The following MSR1 variants were observed in gnomAD, a reference collection of about 807,000 sequenced individuals.
MSR1 encodes macrophage scavenger receptor types I and II.
MSR1 carries 53 observed loss-of-function variants against 47.2 expected under a neutral mutation model. The ratio of observed to expected loss-of-function variants is 1.12; its 90% CI spans 0.90 to 1.41. MSR1 has a LOEUF of 1.41. Ranked by LOEUF, MSR1 falls within the 40% of genes most tolerant of loss-of-function variation. The pLI, the probability that MSR1 is intolerant of heterozygous loss-of-function variation, is 0.00. For synonymous variants in MSR1, 239 were observed against 185.6 expected (o/e 1.29, Z -2.34); for missense variants, 786 against 546.9 (o/e 1.44, Z -4.36).
At chr8:16,190,054 T>C (rs1016547529) in intron 1 of MSR1, among the ~76,000 whole-genome samples, 3 of 151,542 alleles carry the variant, frequency 2.0e-5, no homozygotes, top group Non-Finnish European at 2.9e-5. Flanking sequence ...AGCGGGATTA[T>C]AGGCGTTTGC....
At chr8:16,114,737 CT>C (rs1261206311) in intron 9 of MSR1, among the ~76,000 whole-genome samples, 1 of 152,142 alleles carries the variant, frequency 6.6e-6, no homozygotes, top group Non-Finnish European at 1.5e-5. Context: ...GTCATTTTAC[CT>C]GCAGCTGCAA....
At chr8:16,173,656 T>C (rs1317323910) in intron 3 of MSR1, among the ~76,000 whole-genome samples, 1 of 149,470 alleles carries the variant, frequency 6.7e-6, no homozygotes, top group Non-Finnish European at 1.5e-5. Context: ...TTGTTTTTTC[T>C]TTTTTTTTTG....
At chr8:16,153,262 G>A (rs989759686) in intron 6 of MSR1, among the ~76,000 whole-genome samples, 3 of 151,886 alleles carry the variant, frequency 2.0e-5, no homozygotes, top group Non-Finnish European at 4.4e-5. Flanking sequence ...TCCTGATTTC[G>A]GCATCAAATA....
intron 9 of MSR1, among the ~76,000 whole-genome samples, chr8:16,112,942 AGTTTTTTTT>A (rs1799792258): frequency 8.5e-6 from 1 of 117,756 alleles, no homozygotes; most frequent in Admixed American, 9.8e-5. Flanking sequence ...ATTTTTTTTA[AGTTTTTTTT>A]TTTTTTTTTT....
chr8:16,177,522 T>C (rs1378841001), intron 2 of MSR1, among the ~76,000 whole-genome samples: 2 of 151,908 alleles, frequency 1.3e-5, no homozygotes, highest in Non-Finnish European at 2.9e-5. Context: ...TGTGAGCGAA[T>C]ACATTTCTGT....
chr8:16,111,670 G>A (rs1464040842), intron 9 of MSR1, among the ~76,000 whole-genome samples: 1 of 151,434 alleles, frequency 6.6e-6, no homozygotes, highest in African/African-American at 2.4e-5. Flanking sequence ...GAATACCAAG[G>A]TTGTGGTCCT....
intron 7 of MSR1, among the ~76,000 whole-genome samples, chr8:16,146,071 G>C (rs1800688913): frequency 6.6e-6 from 1 of 152,014 alleles, no homozygotes; most frequent in African/African-American, 2.4e-5. Flanking sequence ...TTTTTTGTGA[G>C]CCTCTTATAT....
At chr8:16,146,149 G>C (rs1308353166) in intron 7 of MSR1, among the ~76,000 whole-genome samples, 1 of 152,024 alleles carries the variant, frequency 6.6e-6, no homozygotes, top group African/African-American at 2.4e-5. Flanking sequence ...TTCTGCAGCT[G>C]TAGGCCGCCT....
intron 1 of MSR1, among the ~76,000 whole-genome samples, chr8:16,185,042 T>C (rs1479593885): frequency 6.6e-6 from 1 of 152,000 alleles, no homozygotes; most frequent in Non-Finnish European, 1.5e-5. Context: ...GAATGAACAA[T>C]ATTCCCTATG....
chr8:16,166,332 T>A (rs1217953312), intron 4 of MSR1, among the ~76,000 whole-genome samples: 1 of 151,214 alleles, frequency 6.6e-6, no homozygotes, highest in Non-Finnish European at 1.5e-5. Flanking sequence ...TAATTTTTTT[T>A]TTTTTAATTT....
intron 1 of MSR1, among the ~76,000 whole-genome samples, chr8:16,183,632 TATAATATAATA>T (rs1433738727): frequency 2.9e-5 from 4 of 139,308 alleles, no homozygotes; most frequent in African/African-American, 1.1e-4. Context: ...ATATATAATA[TATAATATAATA>T]AATATATTAT....
intron 8 of MSR1, among the ~76,000 whole-genome samples, chr8:16,126,393 G>T (rs1353469807): frequency 6.6e-6 from 1 of 151,864 alleles, no homozygotes; most frequent in Non-Finnish European, 1.5e-5. Flanking sequence ...ATCATTTATT[G>T]GAATTAGGAT....
intron 6 of MSR1, among the ~76,000 whole-genome samples, chr8:16,150,871 C>CACACACACACACAA (rs1800838380): frequency 6.6e-6 from 1 of 151,462 alleles, no homozygotes; most frequent in African/African-American, 2.4e-5. Flanking sequence ...CACACACACA[C>CACACACACACACAA]ACACACACAC....
chr8:16,144,267 T>G (rs576052011), intron 7 of MSR1, among the ~76,000 whole-genome samples: 8 of 152,228 alleles, frequency 5.3e-5, no homozygotes, highest in African/African-American at 1.9e-4. Context: ...CTTCACCCAC[T>G]GTCCCATTTT....
chr8:16,119,360 G>C (rs1800583757), intron 9 of MSR1, among the ~76,000 whole-genome samples: 2 of 151,894 alleles, frequency 1.3e-5, no homozygotes, highest in South Asian at 2.1e-4. Flanking sequence ...AAAGTAGCTG[G>C]GATTACCGGC....
intron 6 of MSR1, among the ~76,000 whole-genome samples, chr8:16,153,197 C>A (rs1800908257): frequency 1.3e-5 from 2 of 152,072 alleles, no homozygotes; most frequent in South Asian, 4.2e-4. Context: ...AAGCAATAAA[C>A]CTGCTCAGAT....
intron 9 of MSR1, among the ~76,000 whole-genome samples, chr8:16,117,729 A>G (rs1409693575): frequency 6.6e-6 from 1 of 152,148 alleles, no homozygotes; most frequent in Non-Finnish European, 1.5e-5. Flanking sequence ...TAGACTGTAC[A>G]TAAGCAACAC....
intron 8 of MSR1, among the ~76,000 whole-genome samples, chr8:16,121,472 TTAAA>T (rs1800004502): frequency 6.6e-6 from 1 of 151,978 alleles, no homozygotes; most frequent in Non-Finnish European, 1.5e-5. Flanking sequence ...TAGTGACAGA[TTAAA>T]TAAAATAGTG....
At chr8:16,139,757 AAAAAAAAAAAAAAAAAAATATAT>A (rs1250074174) in intron 8 of MSR1, 4 of 153,018 alleles carry the variant, frequency 2.6e-5, no homozygotes, top group Admixed American at 1.1e-3. Flanking sequence ...TAAAAAAAAA[AAAAAAAAAAAAAAAAAAATATAT>A]ATATATATAT....
Sources: allele counts gnomAD v4.1 joint callset (sites outside exome capture counted in the v4.1 genomes callset), GRCh38; gene constraint gnomAD v4.1.1; transcripts MANE v1.5; gene names NCBI Gene and HGNC (gene_info 2026-07-23, HGNC 2026-07-21).